The following KCNK9 variants were observed in gnomAD, a reference collection of about 807,000 sequenced individuals.
KCNK9 encodes the protein potassium two pore domain channel subfamily K member 9, also known as potassium channel subfamily K member 9.
In KCNK9, 1 loss-of-function variant was observed where a neutral mutation model predicts 10.8. The observed-to-expected ratio is 0.09, with a 90% CI of 0.03 to 0.44. The LOEUF (loss-of-function observed/expected upper bound fraction) is 0.44. Ranked by LOEUF, KCNK9 falls within the 20% of genes least tolerant of loss-of-function variation. KCNK9 has a pLI of 0.97. For synonymous variants in KCNK9, 231 were observed against 222.7 expected (o/e 1.04, Z -0.33); for missense variants, 303 against 515.0 (o/e 0.59, Z 3.98).
chr8:139,607,421 G>A (rs1171708307), intron 2 of KCNK9, among the ~76,000 whole-genome samples: 1 of 152,218 alleles, frequency 6.6e-6, no homozygotes, highest in Non-Finnish European at 1.5e-5. Flanking sequence ...TGAATCGGCA[G>A]CCCGAGTTGC....
intron 1 of KCNK9, among the ~76,000 whole-genome samples, chr8:139,628,283 C>A (rs1815040717): frequency 6.6e-6 from 1 of 152,234 alleles, no homozygotes; most frequent in Non-Finnish European, 1.5e-5. Context: ...TGGCTCCATC[C>A]ATTTCACAGA....
chr8:139,678,686 G>T (rs1307775667), intron 1 of KCNK9, among the ~76,000 whole-genome samples: 2 of 152,232 alleles, frequency 1.3e-5, no homozygotes. Context: ...TTCCTCTTTG[G>T]GGGTCAAGGC....
rs528780038 is a variant in KCNK9 at position 139,692,771 on chromosome 8, T to TC, written c.283+9938dup. 2.5e-4 allele frequency among the ~76,000 whole-genome samples: 38 copies of TC among 151,508 alleles called. No individual in the cohort carries two copies. In the East Asian group the frequency reaches 6.6e-3, roughly 26 times the overall value. Reference sequence around the variant, plus strand: ...CCACCTGGCATCAGTGGCAATCAGCTCCCCCCCACGTCCAACTGAATGCCC... The same window carrying TC: ...CCACCTGGCATCAGTGGCAATCAGCTCCCCCCCCACGTCCAACTGAATGCCC... On this transcript the variant is annotated intron_variant, in intron 1 of 1. Transcript: ENST00000520439.
chr8:139,642,152 C>G (rs78941856), intron 1 of KCNK9, among the ~76,000 whole-genome samples: 3,710 of 152,300 alleles, frequency 0.024, 56 homozygotes, highest in Non-Finnish European at 0.039. Flanking sequence ...CTCCTATAAT[C>G]CCAAGTTACA....
At chr8:139,609,514 G>A (rs534444346), downstream of KCNK9, among the ~76,000 whole-genome samples, 1 of 152,274 alleles carries the variant, frequency 6.6e-6, no homozygotes, top group South Asian at 2.1e-4. Context: ...CAAGCCCAAA[G>A]GTAAATGCTG....
intron 1 of KCNK9, among the ~76,000 whole-genome samples, chr8:139,688,223 G>T (rs1257076134): frequency 6.6e-6 from 1 of 152,180 alleles, no homozygotes; most frequent in African/African-American, 2.4e-5. Flanking sequence ...GCTAATAAAA[G>T]GTAGATGAGG....
chr8:139,642,815 A>AG (rs1221418825), intron 1 of KCNK9, among the ~76,000 whole-genome samples: 1 of 152,234 alleles, frequency 6.6e-6, no homozygotes, highest in African/African-American at 2.4e-5. Flanking sequence ...AGGGGATGCC[A>AG]GGGAGAGTGG....
chr8:139,623,791 G>T (rs948659367), intron 1 of KCNK9, among the ~76,000 whole-genome samples: 1 of 152,114 alleles, frequency 6.6e-6, no homozygotes, highest in East Asian at 1.9e-4. Flanking sequence ...TATCCCTTTG[G>T]CAATGAGACT....
chr8:139,663,684 A>T (rs1170776264), intron 1 of KCNK9, among the ~76,000 whole-genome samples: 6 of 83,944 alleles, frequency 7.1e-5, no homozygotes, highest in South Asian at 4.9e-4. Context: ...TGTGTGTGTT[A>T]GAGAGAGAGA....
chr8:139,607,234 C>T (rs537633925), intron 2 of KCNK9, among the ~76,000 whole-genome samples: 13 of 152,296 alleles, frequency 8.5e-5, no homozygotes, highest in African/African-American at 3.1e-4. Context: ...CCCATTCCTG[C>T]TCCCTGCTCC....
At chr8:139,637,518 G>C (rs910097949) in intron 1 of KCNK9, among the ~76,000 whole-genome samples, 4 of 152,164 alleles carry the variant, frequency 2.6e-5, no homozygotes, top group African/African-American at 9.7e-5. Flanking sequence ...ATTATGCTAA[G>C]TGCAATCAGC....
At chr8:139,701,922 C>T (rs1253297831) in intron 1 of KCNK9, among the ~76,000 whole-genome samples, 1 of 152,226 alleles carries the variant, frequency 6.6e-6, no homozygotes, top group Non-Finnish European at 1.5e-5. Flanking sequence ...GCTGGACCCC[C>T]TCTCGTGACT....
intron 2 of KCNK9, among the ~76,000 whole-genome samples, chr8:139,605,156 T>A (rs1817458472): frequency 6.6e-6 from 1 of 152,246 alleles, no homozygotes. Context: ...TCCCTTCTTG[T>A]GTCCATACAC....
chr8:139,690,991 G>A (rs1197914319), intron 1 of KCNK9, among the ~76,000 whole-genome samples: 2 of 152,158 alleles, frequency 1.3e-5, no homozygotes, highest in Admixed American at 6.5e-5. Flanking sequence ...TCTTCCACCA[G>A]CCCAGGGTGG....
At chr8:139,697,029 T>C (rs1018193188) in intron 1 of KCNK9, among the ~76,000 whole-genome samples, 12 of 144,770 alleles carry the variant, frequency 8.3e-5, no homozygotes, top group South Asian at 4.5e-4. Context: ...GGTGGATGGG[T>C]AGATGGGTGA....
intron 1 of KCNK9, among the ~76,000 whole-genome samples, chr8:139,671,247 T>C (rs954287352): frequency 2.6e-5 from 4 of 152,136 alleles, no homozygotes; most frequent in Non-Finnish European, 4.4e-5. Context: ...AGCGGGCACA[T>C]CCCCCTTTCT....
chr8:139,665,326 C>T (rs1816271676), intron 1 of KCNK9, among the ~76,000 whole-genome samples: 1 of 152,136 alleles, frequency 6.6e-6, no homozygotes, highest in Non-Finnish European at 1.5e-5. Context: ...CCTCACATCA[C>T]ACCCCTCCGA....
At chr8:139,676,245 A>G (rs1816546709) in intron 1 of KCNK9, among the ~76,000 whole-genome samples, 1 of 152,186 alleles carries the variant, frequency 6.6e-6, no homozygotes, top group East Asian at 1.9e-4. Flanking sequence ...CTACATATCT[A>G]TACATCCTTC....
intron 1 of KCNK9, among the ~76,000 whole-genome samples, chr8:139,631,863 T>C (rs1815183677): frequency 6.6e-6 from 1 of 152,200 alleles, no homozygotes; most frequent in Non-Finnish European, 1.5e-5. Flanking sequence ...AAACTTTAAT[T>C]CCTGTTTTGT....
Sources: gnomAD v4.1 joint callset for allele counts (sites outside exome capture counted in the v4.1 genomes callset) on GRCh38, gnomAD v4.1.1 for gene constraint, MANE v1.5 for transcripts, NCBI Gene and HGNC (gene_info 2026-07-23, HGNC 2026-07-21) for gene names.